PPA1: variants seen among roughly 807,000 people sequenced by gnomAD.
PPA1 encodes inorganic pyrophosphatase.
Under a neutral mutation model 41.8 loss-of-function variants are expected in PPA1, and 23 were observed. That is an observed-to-expected ratio of 0.55 (90% CI 0.40 to 0.78). The LOEUF (loss-of-function observed/expected upper bound fraction) is 0.78, where lower values mean the gene tolerates loss of function less well. Ranked by LOEUF, PPA1 falls within the 30% of genes least tolerant of loss-of-function variation. The probability of loss-of-function intolerance (pLI) is 0.00; values close to 1 mark genes in which losing one functional copy is unlikely to be tolerated. For missense variants in PPA1, 320 were observed against 361.6 expected (o/e 0.89, Z 0.93); for synonymous variants, 101 against 116.8 (o/e 0.86, Z 0.87).
chr10:70,215,983 T>C (rs75544725), intron 4 of PPA1, among the ~76,000 whole-genome samples: 1 of 152,288 alleles, frequency 6.6e-6, no homozygotes, highest in East Asian at 1.9e-4. Context: ...GCTGTTGCAT[T>C]GGTTCTTTTT....
rs1299725396 is a variant in PPA1, at chr10:70,209,652, T to C, written c.545A>G (p.Tyr182Cys). 2.5e-6 allele frequency: 4 copies of C among 1,604,770 alleles called. No individual in the cohort carries two copies. Among genetic ancestry groups the C allele is most frequent in the Non-Finnish European group, 2.6e-6 (3 of 1,173,928 alleles). Reference protein sequence around the residue: ...INDVKRLKPGYLEATVDWFRR... With the variant: ...INDVKRLKPGCLEATVDWFRR... ...AAACCAGTCCACAGTAGCTTCTAAG[T>C]AGCCAGGTTTCAGCCGTTTGACATC... The change falls in exon 7 of 11, where the codon TAC becomes TGC. Residue 182 changes from tyrosine (Y) to cysteine (C), a missense_variant. Physicochemically the swap from Tyr to Cys is radical, Grantham distance 194 (BLOSUM62 -2). Coordinates refer to ENST00000373232, the MANE Select transcript of PPA1 (RefSeq NM_021129.4).
chr10:70,215,588 C>G (rs948760022), intron 4 of PPA1, among the ~76,000 whole-genome samples: 1 of 152,070 alleles, frequency 6.6e-6, no homozygotes, highest in Non-Finnish European at 1.5e-5. Flanking sequence ...TCAAGCAATT[C>G]TCCTGTCTCA....
intron 3 of PPA1, 88 bp from the exon 4 acceptor site, chr10:70,218,019 T>C (rs1840098421): frequency 2.6e-6 from 3 of 1,163,978 alleles, no homozygotes; most frequent in South Asian, 4.0e-5. Flanking sequence ...ATGGTACCTA[T>C]GTTCCCTAAT....
chr10:70,222,049 G>A (rs927940360), intron 2 of PPA1, among the ~76,000 whole-genome samples: 1 of 151,994 alleles, frequency 6.6e-6, no homozygotes, highest in Non-Finnish European at 1.5e-5. Context: ...AATTAGCTGG[G>A]TGAGGCCGGG....
At chr10:70,204,817 A>C in intron 10 of PPA1, 56 bp downstream of exon 10, 1 of 1,355,116 alleles carries the variant, frequency 7.4e-7, no homozygotes. Context: ...AAAGTAACAT[A>C]ATTTTTCCAT....
intron 4 of PPA1, 44 bp from the exon 5 acceptor site, chr10:70,214,630 A>G: frequency 6.9e-7 from 1 of 1,452,608 alleles, no homozygotes; most frequent in Non-Finnish European, 9.6e-7. Context: ...ACATACTGAC[A>G]AAATGGATCA....
At chr10:70,213,643 A>G in intron 5 of PPA1, 54 bp from the exon 6 acceptor site, 1 of 1,552,120 alleles carries the variant, frequency 6.4e-7, no homozygotes, top group East Asian at 2.3e-5. Context: ...ACTCTAGAAG[A>G]CAGTTTTACT....
chr10:70,220,611 ATTATATATAATTTAT>A (rs1564583996), intron 2 of PPA1, among the ~76,000 whole-genome samples: 131 of 6,150 alleles, frequency 0.021, 27 homozygotes, highest in East Asian at 0.06. Context: ...TTATATATAT[ATTATATATAATTTAT>A]ATATATATAA....
intron 2 of PPA1, among the ~76,000 whole-genome samples, chr10:70,222,162 C>T (rs916283521): frequency 6.6e-6 from 1 of 151,504 alleles, no homozygotes; most frequent in Non-Finnish European, 1.5e-5. Flanking sequence ...AGTGAAAAAC[C>T]GTGTCTACTA....
chr10:70,215,117 C>G (rs112878930), intron 4 of PPA1, among the ~76,000 whole-genome samples: 8,686 of 152,268 alleles, frequency 0.057, 518 homozygotes, highest in African/African-American at 0.15. Flanking sequence ...ATCGCTTGAA[C>G]CCAGGAAGCA....
At chr10:70,223,828 G>C (rs552231808) in intron 2 of PPA1, among the ~76,000 whole-genome samples, 1 of 152,108 alleles carries the variant, frequency 6.6e-6, no homozygotes, top group Non-Finnish European at 1.5e-5. Context: ...AATCCCAACT[G>C]GTTTCAGCTT....
In PPA1 at chr10:70,214,544, A is replaced by T. The variant is rs574429554; in HGVS notation, c.340T>A (p.Cys114Ser). 17 of 1,613,858 alleles carry T rather than the reference A, an allele frequency of 1.1e-5. No homozygotes were observed. Among genetic ancestry groups the T allele is most frequent in the South Asian group, 1.1e-5 (1 of 91,062 alleles). ...PGHNDKHTGC[C>S]GDNDPIDVCE... ...ACATCAATTGGGTCATTGTCACCAC[A>T]ACAGCCAGTATGTTTATCATTGTGC... The change falls in exon 5 of 11, where the codon TGT becomes AGT. Residue 114 changes from cysteine (C) to serine (S), a missense_variant. Physicochemically the swap from Cys to Ser is moderately radical, Grantham distance 112. Coordinates refer to ENST00000373232, the MANE Select transcript of PPA1 (RefSeq NM_021129.4).
intron 2 of PPA1, among the ~76,000 whole-genome samples, chr10:70,223,208 A>AT (rs1395697681): frequency 2.1e-5 from 2 of 94,286 alleles, no homozygotes; most frequent in Non-Finnish European, 2.2e-5. Flanking sequence ...CTTAAAAAAC[A>AT]TTTTTTTAAA....
rs1217728032 is a variant in PPA1, at chr10:70,209,658, G to C, written c.539C>G (p.Pro180Arg). The C allele has an allele frequency of 3.7e-6, 6 of 1,603,102 alleles. No homozygotes were observed. The highest frequency in any genetic ancestry group is 4.3e-6 in the Non-Finnish European group (5 of 1,172,978). ...GTCCACAGTAGCTTCTAAGTAGCCA[G>C]GTTTCAGCCGTTTGACATCATTGAT... ...NDINDVKRLK[P>R]GYLEATVDWF... Residue 180 changes from proline to arginine, a missense_variant, in exon 7 of 11, where the codon CCT becomes CGT. Physicochemically the swap from Pro to Arg is moderately radical, Grantham distance 103. Coordinates refer to ENST00000373232, the MANE Select transcript of PPA1 (RefSeq NM_021129.4).
intron 6 of PPA1, chr10:70,210,366 T>C (rs752326886): frequency 1.5e-6 from 2 of 1,364,962 alleles, no homozygotes; most frequent in Non-Finnish European, 2.0e-6. Context: ...CTTGAGGTAC[T>C]ATCCCTGGTC....
chr10:70,216,392 C>A (rs766230892), intron 4 of PPA1, among the ~76,000 whole-genome samples: 1 of 151,232 alleles, frequency 6.6e-6, no homozygotes, highest in Middle Eastern at 3.4e-3. Flanking sequence ...GAGGCTGAGA[C>A]AAGAGAATCA....
intron 6 of PPA1, among the ~76,000 whole-genome samples, chr10:70,211,447 T>C (rs951173840): frequency 6.6e-6 from 1 of 152,126 alleles, no homozygotes; most frequent in Non-Finnish European, 1.5e-5. Flanking sequence ...AGCTATAAAT[T>C]AGGGGTTTCT....
At chr10:70,210,206 G>GGGACTATA (rs1187753359) in intron 6 of PPA1, 8 of 372,074 alleles carry the variant, frequency 2.2e-5, no homozygotes, top group Middle Eastern at 8.2e-4. Context: ...TCAGCCTCCT[G>GGGACTATA]AGTAGCTGGG....
chr10:70,209,889 C>T, intron 6 of PPA1: 1 of 567,896 alleles, frequency 1.8e-6, no homozygotes, highest in Non-Finnish European at 3.0e-6. Context: ...AGAAGCCATA[C>T]ACATATACAT....
Sources: gnomAD v4.1 joint callset for allele counts (sites outside exome capture counted in the v4.1 genomes callset) on GRCh38, gnomAD v4.1.1 for gene constraint, MANE v1.5 for transcripts, NCBI Gene and HGNC (gene_info 2026-07-23, HGNC 2026-07-21) for gene names.